MKRN1: variants seen among roughly 807,000 people sequenced by gnomAD.
MKRN1 encodes E3 ubiquitin-protein ligase makorin-1.
MKRN1 carries 9 observed loss-of-function variants against 55.5 expected under a neutral mutation model. The ratio of observed to expected loss-of-function variants is 0.16; its 90% CI spans 0.10 to 0.28. The LOEUF is 0.28. MKRN1 is among the 10% of genes least tolerant of loss of function. MKRN1 has a pLI of 1.00. For synonymous variants in MKRN1, 253 were observed against 235.9 expected (o/e 1.07, Z -0.66); for missense variants, 488 against 626.7 (o/e 0.78, Z 2.36).
At chr7:140,474,078 T>C (rs1022939541) in intron 1 of MKRN1, among the ~76,000 whole-genome samples, 23 of 140,794 alleles carry the variant, frequency 1.6e-4, no homozygotes, top group Non-Finnish European at 2.5e-4. Flanking sequence ...TAAAAGACTG[T>C]AGGGTGGGCC....
At chr7:140,463,277 G>GA (rs1401122586) in intron 2 of MKRN1, among the ~76,000 whole-genome samples, 6 of 152,326 alleles carry the variant, frequency 3.9e-5, no homozygotes, top group African/African-American at 1.4e-4. Flanking sequence ...TTTCACTCAT[G>GA]AACTGTGGGG....
At chr7:140,461,684 G>C (rs1392041606) in intron 2 of MKRN1, among the ~76,000 whole-genome samples, 2 of 151,918 alleles carry the variant, frequency 1.3e-5, no homozygotes, top group African/African-American at 4.8e-5. Flanking sequence ...TTCTGCCTGA[G>C]AAAATTCTCA....
chr7:140,471,034 A>G (rs1423202904), intron 2 of MKRN1, among the ~76,000 whole-genome samples: 1 of 152,172 alleles, frequency 6.6e-6, no homozygotes, highest in Non-Finnish European at 1.5e-5. Flanking sequence ...AGGCACTCAC[A>G]GAATCCGGAA....
chr7:140,462,730 T>C (rs1177239385), intron 2 of MKRN1, among the ~76,000 whole-genome samples: 1 of 151,784 alleles, frequency 6.6e-6, no homozygotes, highest in Admixed American at 6.6e-5. Flanking sequence ...TTTGGGAGGC[T>C]GAGGTGGGTG....
rs569868310 is a variant in MKRN1, at chr7:140,453,216, T to C, written c.*1301A>G. ...ACAAACCAGGAGCATCCCCGAGTTATTTTCAGGAAACAGAGCAACAAAACA... is the reference window on the plus strand; with the variant it reads ...ACAAACCAGGAGCATCCCCGAGTTACTTTCAGGAAACAGAGCAACAAAACA... On this transcript the variant is annotated 3_prime_UTR_variant, in exon 8 of 8. Coordinates refer to ENST00000255977, the MANE Select transcript of MKRN1 (RefSeq NM_013446.4). 2 of 152,692 alleles carry C rather than the reference T, an allele frequency of 1.3e-5. No homozygotes were observed. The highest frequency in any genetic ancestry group is 1.9e-4 in the East Asian group (1 of 5,188). The allele number at this position is 152,692 out of a possible 1,614,324, so 9.5% of individuals were successfully genotyped here.
intron 1 of MKRN1, among the ~76,000 whole-genome samples, chr7:140,477,563 C>T (rs902614668): frequency 2.0e-5 from 3 of 152,244 alleles, no homozygotes; most frequent in South Asian, 2.1e-4. Flanking sequence ...ACCTCGTGAT[C>T]CACCTGCCTT....
chr7:140,464,500 C>G (rs1235429981), intron 2 of MKRN1, among the ~76,000 whole-genome samples: 1 of 152,044 alleles, frequency 6.6e-6, no homozygotes, highest in African/African-American at 2.4e-5. Flanking sequence ...GTCAGGAGTT[C>G]CAGACCAGCC....
At position 140,455,410 on chromosome 7, in the gene MKRN1, C is replaced by T. The variant is rs1257784553; in HGVS notation, c.1098-177G>A. ...AATGCAAGAAACACTAACTAGAAACCGGTAACTCTGTTCAAGTCTATGCTG... is the reference window on the plus strand; with the variant it reads ...AATGCAAGAAACACTAACTAGAAACTGGTAACTCTGTTCAAGTCTATGCTG... On this transcript the variant is annotated intron_variant, in intron 6 of 7. Coordinates refer to ENST00000255977, the MANE Select transcript of MKRN1 (RefSeq NM_013446.4). 17 of 726,658 alleles carry T rather than the reference C, an allele frequency of 2.3e-5. No homozygotes were observed. In the Middle Eastern group the frequency reaches 7.2e-4, roughly 31 times the overall value. The allele number at this position is 726,658 out of a possible 1,614,324, so 45.0% of individuals were successfully genotyped here. A position where few individuals can be genotyped will look rare whatever the true frequency, so the allele number is the denominator to read the frequency against.
In MKRN1 at chr7:140,455,799, T is replaced by C. The variant is rs1223112666; in HGVS notation, c.1088A>G (p.Glu363Gly). The C allele has an allele frequency of 6.2e-7, 1 of 1,611,988 alleles. No homozygotes were observed. Among genetic ancestry groups the C allele is most frequent in the South Asian group, 1.1e-5 (1 of 91,034 alleles). ...EKQKLILKYKEAMSNKACRYF... is the reference protein window; with the variant it reads ...EKQKLILKYKGAMSNKACRYF... ...GCTGCAGTGCTCATACCTCATTGCC[T>C]CCTTGTATTTCAGAATGAGTTTCTG... Residue 363 changes from glutamate (E) to glycine (G), a missense_variant, in exon 6 of 8, where the codon GAG (glutamate) becomes GGG (glycine). Coordinates refer to ENST00000255977, the MANE Select transcript of MKRN1 (RefSeq NM_013446.4).
chr7:140,456,331 A>G (rs1794464566), intron 5 of MKRN1: 1 of 1,213,882 alleles, frequency 8.2e-7, no homozygotes, highest in Non-Finnish European at 1.0e-6. Flanking sequence ...GAAATGTAAA[A>G]CGTCAGGAAA....
chr7:140,456,698 T>C lies in MKRN1; in HGVS notation c.940A>G (p.Ile314Val), dbSNP rs781487298. 5.6e-6 allele frequency: 9 copies of C among 1,614,170 alleles called. No individual in the cohort carries two copies. The South Asian group carries it at 9.9e-5, about 18-fold the overall frequency. The change falls in exon 5 of 8, where the codon ATT becomes GTT. Residue 314 changes from isoleucine (I) to valine (V), a missense_variant. Around this residue, in one of 2 missense-constraint regions of MKRN1, gnomAD observed 278 missense variants for 406.7 expected, o/e 0.68. Coordinates refer to ENST00000255977, the MANE Select transcript of MKRN1 (RefSeq NM_013446.4). ...NCNHTYCLKCIRKWRSAKQFE... is the reference protein window; with the variant it reads ...NCNHTYCLKCVRKWRSAKQFE... ...TGCTTAGCACTCCTCCACTTGCGAATGCACTTGAGACAGTAGGTGTGGTTG... is the reference window on the plus strand; with the variant it reads ...TGCTTAGCACTCCTCCACTTGCGAACGCACTTGAGACAGTAGGTGTGGTTG...
chr7:140,463,250 T>C (rs541852717), intron 2 of MKRN1, among the ~76,000 whole-genome samples: 24 of 152,354 alleles, frequency 1.6e-4, no homozygotes, highest in Middle Eastern at 3.4e-3. Context: ...GAAACTATCA[T>C]GAATATGCTC....
At chr7:140,470,670 C>T (rs1333363908) in intron 2 of MKRN1, among the ~76,000 whole-genome samples, 8 of 152,048 alleles carry the variant, frequency 5.3e-5, no homozygotes, top group Admixed American at 1.3e-4. Flanking sequence ...AATCCCAGCA[C>T]TCTGGGAGGC....
rs75395312 is a variant in MKRN1 at position 140,458,991 on chromosome 7, C to T, written c.771+16G>A. On this transcript the variant is annotated intron_variant, in intron 4 of 7. Transcript: ENST00000255977. Reference sequence around the variant, plus strand: ...TTCTCACATCTAATAACACACACATCTCCCTAAAGACTTACTTTGATATGC... The same window carrying T: ...TTCTCACATCTAATAACACACACATTTCCCTAAAGACTTACTTTGATATGC... 2.7e-5 allele frequency: 44 copies of T among 1,611,592 alleles called. No homozygotes were observed. In the East Asian group the frequency reaches 9.4e-4, roughly 34 times the overall value.
chr7:140,471,966 G>A lies in MKRN1; in HGVS notation c.231C>T (p.Tyr77=), dbSNP rs1421524839. 1.2e-6 allele frequency: 2 copies of A among 1,614,172 alleles called. No homozygotes were observed. The highest frequency in any genetic ancestry group is 8.5e-7 in the Non-Finnish European group (1 of 1,180,042). The change falls in exon 2 of 8, where the codon TAC becomes TAT. Residue 77 remains tyrosine (Y), a synonymous_variant. Transcript: ENST00000255977. ...ACGGACTGTCAGAGAGGTCATGCGAGTAGCGACAGTTGTCTCCTTCCTTAC... is the reference window on the plus strand; with the variant it reads ...ACGGACTGTCAGAGAGGTCATGCGAATAGCGACAGTTGTCTCCTTCCTTAC... The part of the protein sequence containing the change: ...GVCKEGDNCR[Y]SHDLSDSPYS...
At chr7:140,474,064 A>AGAAAGAAAGAAAGAAAGAAT (rs1563097061) in intron 1 of MKRN1, among the ~76,000 whole-genome samples, 2 of 145,074 alleles carry the variant, frequency 1.4e-5, no homozygotes, top group Admixed American at 7.1e-5. Context: ...AAAGAAAGAA[A>AGAAAGAAAGAAAGAAAGAAT]GAATAAAAGA....
intron 2 of MKRN1, among the ~76,000 whole-genome samples, chr7:140,464,950 C>T (rs1450684205): frequency 6.6e-6 from 1 of 152,078 alleles, no homozygotes; most frequent in African/African-American, 2.4e-5. Flanking sequence ...ACCACCACAC[C>T]CAGCTAATTT....
At chr7:140,473,096 CAAAAAGAAAAAG>C (rs559356136) in intron 1 of MKRN1, 18 of 331,512 alleles carry the variant, frequency 5.4e-5, no homozygotes, top group African/African-American at 2.3e-4. Flanking sequence ...GACTCCATCT[CAAAAAGAAAAAG>C]AAAAAGAAAA....
chr7:140,460,828 C>T (rs1223487391), intron 2 of MKRN1, among the ~76,000 whole-genome samples: 1 of 152,236 alleles, frequency 6.6e-6, no homozygotes, highest in African/African-American at 2.4e-5. Flanking sequence ...ATACAATCAA[C>T]ATCACAACTA....
Sources: gnomAD v4.1 joint callset for allele counts (sites outside exome capture counted in the v4.1 genomes callset) on GRCh38, gnomAD v4.1.1 for gene constraint, gnomAD v4.1.1 regional missense constraint, MANE v1.5 for transcripts, NCBI Gene and HGNC (gene_info 2026-07-23, HGNC 2026-07-21) for gene names.